The following CRIM1 variants were observed in gnomAD, a reference collection of about 807,000 sequenced individuals.
The protein encoded by CRIM1 is cysteine-rich motor neuron 1 protein.
A neutral mutation model predicts 116.4 loss-of-function variants in CRIM1; 32 were observed. The observed-to-expected ratio is 0.27, with a 90% CI of 0.21 to 0.37. The LOEUF is 0.37. Among genes scored for constraint, CRIM1 ranks in the 10% least tolerant of loss-of-function variants. The probability of loss-of-function intolerance (pLI) is 1.00; values close to 1 mark genes in which losing one functional copy is unlikely to be tolerated. For synonymous variants in CRIM1, 590 were observed against 509.2 expected (o/e 1.16, Z -2.13); for missense variants, 1,331 against 1,354.8 (o/e 0.98, Z 0.28).
chr2:36,372,280 T>C (rs1225541018), intron 1 of CRIM1, among the ~76,000 whole-genome samples: 1 of 152,214 alleles, frequency 6.6e-6, no homozygotes, highest in Non-Finnish European at 1.5e-5. Context: ...CGTTTGGATT[T>C]ACTCCAAACC....
intron 1 of CRIM1, among the ~76,000 whole-genome samples, chr2:36,366,419 A>T (rs1041511418): frequency 4.6e-5 from 7 of 152,132 alleles, no homozygotes; most frequent in Non-Finnish European, 1.0e-4. Context: ...AGAAAAAAAA[A>T]TAAGTGTTAA....
intron 2 of CRIM1, among the ~76,000 whole-genome samples, chr2:36,430,281 G>T (rs1345678941): frequency 6.6e-6 from 1 of 152,150 alleles, no homozygotes; most frequent in Non-Finnish European, 1.5e-5. Flanking sequence ...CCCTTTAATG[G>T]CTATGAAGGG....
chr2:36,474,466 T>A (rs1678797811), intron 5 of CRIM1, among the ~76,000 whole-genome samples: 1 of 152,206 alleles, frequency 6.6e-6, no homozygotes, highest in Admixed American at 6.5e-5. Context: ...TGTATTTAGA[T>A]CATAACTCTA....
intron 4 of CRIM1, among the ~76,000 whole-genome samples, chr2:36,462,451 G>T (rs1013034264): frequency 6.6e-6 from 1 of 152,248 alleles, no homozygotes; most frequent in Non-Finnish European, 1.5e-5. Context: ...ATGGTGTTCA[G>T]TGTGGTGTGA....
At chr2:36,511,876 C>T (rs1285866236) in intron 9 of CRIM1, among the ~76,000 whole-genome samples, 2 of 81,588 alleles carry the variant, frequency 2.5e-5, no homozygotes, top group East Asian at 3.4e-4. Context: ...ACGGATGGAT[C>T]GTAGGTGGGT....
chr2:36,457,913 T>C (rs1677271862), intron 4 of CRIM1, among the ~76,000 whole-genome samples: 1 of 152,212 alleles, frequency 6.6e-6, no homozygotes, highest in African/African-American at 2.4e-5. Flanking sequence ...GCTATTTCAT[T>C]AACACACTGT....
chr2:36,528,614 T>TA (rs1665914289), intron 13 of CRIM1, among the ~76,000 whole-genome samples: 1 of 152,176 alleles, frequency 6.6e-6, no homozygotes, highest in Non-Finnish European at 1.5e-5. Flanking sequence ...GGGAGATGTA[T>TA]ACCTCCTGCA....
chr2:36,467,511 C>G (rs1357611710), intron 5 of CRIM1, among the ~76,000 whole-genome samples: 1 of 152,160 alleles, frequency 6.6e-6, no homozygotes, highest in Non-Finnish European at 1.5e-5. Flanking sequence ...ATCAAAGATT[C>G]ATTATCATCA....
chr2:36,508,635 A>G (rs997593783), intron 8 of CRIM1, among the ~76,000 whole-genome samples: 1 of 152,110 alleles, frequency 6.6e-6, no homozygotes, highest in African/African-American at 2.4e-5. Flanking sequence ...TTTAAATTTG[A>G]TTGTCTTTCA....
chr2:36,506,156 C>T (rs538763238), intron 8 of CRIM1, among the ~76,000 whole-genome samples: 9 of 97,164 alleles, frequency 9.3e-5, no homozygotes, highest in Admixed American at 7.0e-4. Context: ...CACACACACA[C>T]ACTCTCTCTC....
rs756201086 is a variant in CRIM1 at position 36,434,588 on chromosome 2, G to A, written c.506-6670G>A. 4.6e-5 allele frequency among the ~76,000 whole-genome samples: 7 copies of A among 152,196 alleles called. No individual in the cohort carries two copies. The South Asian group carries it at 6.2e-4, about 14-fold the overall frequency. ...CTTCTTCACACAGGAGTACAAAGGC[G>A]TGTGAGAATGAGTAGAGGCGTGCCC... On this transcript the variant is annotated intron_variant, in intron 2 of 16. Coordinates refer to ENST00000280527, the MANE Select transcript of CRIM1 (RefSeq NM_016441.3).
At chr2:36,528,216 G>C (rs985252371) in intron 13 of CRIM1, among the ~76,000 whole-genome samples, 1 of 152,132 alleles carries the variant, frequency 6.6e-6, no homozygotes, top group Non-Finnish European at 1.5e-5. Flanking sequence ...TGTAGCGTCT[G>C]GCTTTCTACA....
intron 7 of CRIM1, among the ~76,000 whole-genome samples, chr2:36,488,409 G>C (rs896266779): frequency 2.6e-5 from 4 of 152,190 alleles, no homozygotes; most frequent in African/African-American, 9.7e-5. Context: ...ATACTCCCCT[G>C]CATGAGCTCC....
At chr2:36,492,098 A>G (rs1251769086) in intron 7 of CRIM1, among the ~76,000 whole-genome samples, 1 of 152,174 alleles carries the variant, frequency 6.6e-6, no homozygotes, top group Non-Finnish European at 1.5e-5. Flanking sequence ...AAAGGAAGAA[A>G]AATATTAATA....
chr2:36,444,395 TTC>T (rs137879111), intron 4 of CRIM1, among the ~76,000 whole-genome samples: 3,326 of 152,326 alleles, frequency 0.022, 145 homozygotes, highest in East Asian at 0.17. Flanking sequence ...CTGGATAGAT[TTC>T]TTTCCGTCTG....
At chr2:36,465,213 A>G (rs1677910644) in intron 5 of CRIM1, among the ~76,000 whole-genome samples, 1 of 152,182 alleles carries the variant, frequency 6.6e-6, no homozygotes. Context: ...GTGGCCCTGA[A>G]AAAGGATTCT....
At chr2:36,473,558 T>A (rs1678710921) in intron 5 of CRIM1, among the ~76,000 whole-genome samples, 1 of 152,192 alleles carries the variant, frequency 6.6e-6, no homozygotes, top group African/African-American at 2.4e-5. Context: ...ACCACTAATC[T>A]ACTTTCTATC....
intron 1 of CRIM1, among the ~76,000 whole-genome samples, chr2:36,359,215 C>G (rs988389333): frequency 2.0e-5 from 3 of 152,128 alleles, no homozygotes; most frequent in African/African-American, 4.8e-5. Flanking sequence ...ACTAAAATGA[C>G]CCCTACTGGT....
intron 1 of CRIM1, chr2:36,369,126 G>A (rs1669783625): frequency 6.6e-6 from 1 of 152,174 alleles, no homozygotes; most frequent in African/African-American, 2.4e-5. Context: ...GTGCATATTA[G>A]CTTAAGAACT....
Sources: allele counts gnomAD v4.1 joint callset (sites outside exome capture counted in the v4.1 genomes callset), GRCh38; gene constraint gnomAD v4.1.1; transcripts MANE v1.5; gene names NCBI Gene and HGNC (gene_info 2026-07-23, HGNC 2026-07-21).